PRKG1: variants seen among roughly 807,000 people sequenced by gnomAD.
PRKG1 encodes cGMP-dependent protein kinase 1.
A neutral mutation model predicts 88.1 loss-of-function variants in PRKG1; 35 were observed. The observed-to-expected ratio is 0.40, with a 90% CI of 0.30 to 0.53. The LOEUF is 0.53. Ranked by LOEUF, PRKG1 falls within the 20% of genes least tolerant of loss-of-function variation. The probability of loss-of-function intolerance (pLI) is 0.59; values close to 1 mark genes in which losing one functional copy is unlikely to be tolerated. For missense variants in PRKG1, 540 were observed against 839.8 expected (o/e 0.64, Z 4.41); for synonymous variants, 303 against 292.5 (o/e 1.04, Z -0.37).
chr10:52,159,077 TATATA>T (rs1838207277), intron 8 of PRKG1, among the ~76,000 whole-genome samples: 1 of 151,428 alleles, frequency 6.6e-6, no homozygotes, highest in Non-Finnish European at 1.5e-5. Flanking sequence ...TAAAAGGAAA[TATATA>T]AAGATACCTC....
chr10:51,799,764 T>C (rs894379494), intron 3 of PRKG1, among the ~76,000 whole-genome samples: 1 of 152,042 alleles, frequency 6.6e-6, no homozygotes, highest in Non-Finnish European at 1.5e-5. Context: ...TCCCACTACC[T>C]CTTTCTCTGA....
intron 3 of PRKG1, among the ~76,000 whole-genome samples, chr10:51,541,741 A>G (rs1474992119): frequency 1.3e-5 from 2 of 152,150 alleles, no homozygotes; most frequent in African/African-American, 4.8e-5. Flanking sequence ...TTCAGAAAAA[A>G]AAACAAACTA....
chr10:51,317,598 T>C (rs1462330565), intron 2 of PRKG1, among the ~76,000 whole-genome samples: 1 of 152,056 alleles, frequency 6.6e-6, no homozygotes, highest in Non-Finnish European at 1.5e-5. Flanking sequence ...AGAATAAAAG[T>C]GTAAAGAGCC....
intron 5 of PRKG1, among the ~76,000 whole-genome samples, chr10:51,980,672 G>C (rs1001225484): frequency 6.6e-6 from 1 of 152,116 alleles, no homozygotes; most frequent in African/African-American, 2.4e-5. Context: ...CTCCTCTGTT[G>C]GGCATGTATA....
chr10:51,207,781 G>A (rs975717286), intron 2 of PRKG1, among the ~76,000 whole-genome samples: 1 of 151,932 alleles, frequency 6.6e-6, no homozygotes, highest in South Asian at 2.1e-4. Context: ...AAATGTGTAG[G>A]GTTCTCTCTA....
At chr10:51,028,303 A>G (rs1354313246) in intron 1 of PRKG1, among the ~76,000 whole-genome samples, 2 of 152,208 alleles carry the variant, frequency 1.3e-5, no homozygotes, top group Admixed American at 1.3e-4. Context: ...ACAATTAAAT[A>G]TCAGAAAGCA....
chr10:51,671,395 G>A (rs1317664236), intron 3 of PRKG1, among the ~76,000 whole-genome samples: 1 of 152,108 alleles, frequency 6.6e-6, no homozygotes, highest in Non-Finnish European at 1.5e-5. Flanking sequence ...CAAAATGTTG[G>A]CAGGGCCATG....
intron 9 of PRKG1, among the ~76,000 whole-genome samples, chr10:52,194,179 A>T (rs1839447303): frequency 6.6e-6 from 1 of 152,190 alleles, no homozygotes; most frequent in African/African-American, 2.4e-5. Context: ...ACTAGTTCTT[A>T]ACAGAAATTG....
At chr10:51,413,973 C>A (rs536824414) in intron 2 of PRKG1, among the ~76,000 whole-genome samples, 1 of 152,288 alleles carries the variant, frequency 6.6e-6, no homozygotes, top group Non-Finnish European at 1.5e-5. Context: ...GCATGAACGT[C>A]ACATGGACTT....
At chr10:52,144,043 A>G (rs1837657741) in intron 8 of PRKG1, among the ~76,000 whole-genome samples, 1 of 152,190 alleles carries the variant, frequency 6.6e-6, no homozygotes, top group Non-Finnish European at 1.5e-5. Context: ...TTTGGCTGGT[A>G]GCATCCCAGA....
At chr10:51,775,725 C>A (rs1838417589) in intron 3 of PRKG1, among the ~76,000 whole-genome samples, 1 of 151,932 alleles carries the variant, frequency 6.6e-6, no homozygotes, top group South Asian at 2.1e-4. Context: ...GCTATGTTTA[C>A]AAGCACCCAC....
At chr10:52,131,277 A>T (rs902473644) in intron 7 of PRKG1, among the ~76,000 whole-genome samples, 10 of 152,196 alleles carry the variant, frequency 6.6e-5, no homozygotes, top group Non-Finnish European at 1.5e-5. Flanking sequence ...TGGAAGGAAG[A>T]CAGAGTTATT....
rs576873941 is a variant in PRKG1, at chr10:51,525,223, A to G, written c.592+57387A>G. 5.9e-5 allele frequency among the ~76,000 whole-genome samples: 9 copies of G among 151,720 alleles called. No homozygotes were observed. In the South Asian group the frequency reaches 1.9e-3, roughly 32 times the overall value. ...AGGAAGAGAAGAAAGGGAAGGAAAG[A>G]AAAGAAGAAAGGGAAGGAAAGAAAA... is the stretch of plus-strand genomic sequence containing the variant. On this transcript the variant is annotated intron_variant, in intron 3 of 17. Coordinates refer to ENST00000373980, the MANE Select transcript of PRKG1 (RefSeq NM_006258.4).
intron 3 of PRKG1, among the ~76,000 whole-genome samples, chr10:51,790,388 T>G (rs74132428): frequency 1.5e-4 from 23 of 152,264 alleles, no homozygotes; most frequent in African/African-American, 5.3e-4. Context: ...AGGTGTCAGG[T>G]GCCATGCTGA....
At chr10:52,132,166 G>A (rs1433256838) in intron 7 of PRKG1, among the ~76,000 whole-genome samples, 1 of 152,066 alleles carries the variant, frequency 6.6e-6, no homozygotes, top group Non-Finnish European at 1.5e-5. Context: ...AGAAAGTCAT[G>A]CCATGTTCTT....
intron 2 of PRKG1, among the ~76,000 whole-genome samples, chr10:51,458,177 A>T (rs1408774949): frequency 1.3e-5 from 2 of 152,192 alleles, no homozygotes; most frequent in Admixed American, 6.5e-5. Flanking sequence ...CAGATATTTT[A>T]AACTGTCAAG....
chr10:51,210,614 T>TA (rs1402343561), intron 2 of PRKG1, among the ~76,000 whole-genome samples: 3 of 151,854 alleles, frequency 2.0e-5, no homozygotes, highest in South Asian at 2.1e-4. Context: ...ATAGACGCAA[T>TA]AAAAAATGAC....
intron 2 of PRKG1, among the ~76,000 whole-genome samples, chr10:51,348,888 T>TC (rs1564456667): frequency 6.6e-6 from 1 of 152,212 alleles, no homozygotes; most frequent in African/African-American, 2.4e-5. Context: ...TCATTTTTTT[T>TC]CCCTATGTGA....
chr10:51,523,082 C>T (rs1841778760), intron 3 of PRKG1, among the ~76,000 whole-genome samples: 1 of 152,166 alleles, frequency 6.6e-6, no homozygotes, highest in Non-Finnish European at 1.5e-5. Context: ...GATTATGCAA[C>T]ACCAGATACT....
Sources: gnomAD v4.1 joint callset for allele counts (sites outside exome capture counted in the v4.1 genomes callset) on GRCh38, gnomAD v4.1.1 for gene constraint, MANE v1.5 for transcripts, NCBI Gene and HGNC (gene_info 2026-07-23, HGNC 2026-07-21) for gene names.